The following SORCS2 variants were observed in gnomAD, a reference collection of about 807,000 sequenced individuals.
SORCS2 encodes sortilin related VPS10 domain containing receptor 2.
SORCS2 carries 100 observed loss-of-function variants against 141.6 expected under a neutral mutation model. The ratio of observed to expected loss-of-function variants is 0.71; its 90% CI spans 0.60 to 0.83. The LOEUF (loss-of-function observed/expected upper bound fraction) is 0.83, where lower values mean the gene tolerates loss of function less well. Among genes scored for constraint, SORCS2 ranks in the 40% least tolerant of loss-of-function variants. SORCS2 has a pLI of 0.00. For synonymous variants in SORCS2, 789 were observed against 676.9 expected, an observed-to-expected ratio of 1.17 and a Z score of -2.57; for missense variants, 1,646 against 1,560.2, an observed-to-expected ratio of 1.05 and a Z score of -0.93.
intron 19 of SORCS2, among the ~76,000 whole-genome samples, chr4:7,724,150 G>GGTGGTGGTGTTGGTGGTGGTGATA (rs1726825784): frequency 3.0e-5 from 4 of 135,394 alleles, no homozygotes; most frequent in African/African-American, 1.3e-4. Flanking sequence ...TGATGGTCGT[G>GGTGGTGGTGTTGGTGGTGGTGATA]GTGGTGGTGG....
At chr4:7,297,592 C>A (rs1434504962) in intron 1 of SORCS2, among the ~76,000 whole-genome samples, 1 of 152,214 alleles carries the variant, frequency 6.6e-6, no homozygotes, top group African/African-American at 2.4e-5. Flanking sequence ...CTGTAAGCTC[C>A]CTTCCTGTCC....
chr4:7,231,305 C>T (rs1431560478), intron 1 of SORCS2, among the ~76,000 whole-genome samples: 1 of 152,184 alleles, frequency 6.6e-6, no homozygotes, highest in African/African-American at 2.4e-5. Context: ...ATGAGGCTGG[C>T]CTGCATTGTG....
At position 7,233,674 on chromosome 4, in the gene SORCS2, G is replaced by A. The variant is rs940671716; in HGVS notation, c.480+40548G>A. On this transcript the variant is annotated intron_variant, in intron 1 of 26. Coordinates refer to ENST00000507866, the MANE Select transcript of SORCS2 (RefSeq NM_020777.3). The surrounding 1 kb of genome is among the most constrained non-coding windows in gnomAD (Gnocchi z 4.5). ...CCAGGTAATACTGGCCTGGTCCCCC[G>A]TCTGATGCTGCAGGGTGGACTTCTG... is the stretch of plus-strand genomic sequence containing the variant. Among the ~76,000 whole-genome samples the A allele has an allele frequency of 2.0e-5, 3 of 152,146 alleles. No homozygotes were observed. The highest frequency in any genetic ancestry group is 2.1e-4 in the South Asian group (1 of 4,828).
intron 1 of SORCS2, among the ~76,000 whole-genome samples, chr4:7,365,108 T>C (rs1022285656): frequency 1.3e-5 from 2 of 152,140 alleles, no homozygotes; most frequent in Non-Finnish European, 2.9e-5. Context: ...TTAGCTATGA[T>C]TTGTATTGTT....
At chr4:7,271,367 A>G (rs4689673) in intron 1 of SORCS2, among the ~76,000 whole-genome samples, 62,537 of 151,740 alleles carry the variant, frequency 0.41, 13,221 homozygotes, top group East Asian at 0.5. Flanking sequence ...CTCCCTCCCA[A>G]CTATGTTGGC....
At chr4:7,487,912 GCATAGCCTGATGT>G (rs1375354073) in intron 2 of SORCS2, among the ~76,000 whole-genome samples, 3 of 152,094 alleles carry the variant, frequency 2.0e-5, no homozygotes, top group African/African-American at 7.2e-5. Context: ...TAGACATCAG[GCATAGCCTGATGT>G]CTACAAAGGA....
At chr4:7,709,775 A>C in intron 14 of SORCS2, among the ~76,000 whole-genome samples, 1 of 152,142 alleles carries the variant, frequency 6.6e-6, no homozygotes, top group East Asian at 1.9e-4. Flanking sequence ...CTTTTGGGAC[A>C]CTTTCCTGGC....
At chr4:7,293,861 A>T (rs376613596) in intron 1 of SORCS2, among the ~76,000 whole-genome samples, 2 of 152,288 alleles carry the variant, frequency 1.3e-5, no homozygotes, top group East Asian at 3.9e-4. Flanking sequence ...GCTTTTGGTG[A>T]TAACTTTTCA....
chr4:7,679,701 C>T (rs1723391673), intron 9 of SORCS2, among the ~76,000 whole-genome samples: 1 of 151,076 alleles, frequency 6.6e-6, no homozygotes, highest in South Asian at 2.1e-4. Flanking sequence ...GGACTCTAGC[C>T]TCCAAGAGAA....
At chr4:7,583,714 G>T (rs1277429332) in intron 3 of SORCS2, among the ~76,000 whole-genome samples, 1 of 152,182 alleles carries the variant, frequency 6.6e-6, no homozygotes, top group Non-Finnish European at 1.5e-5. Context: ...TGATTGTGAG[G>T]CTTCCCCAGC....
intron 11 of SORCS2, among the ~76,000 whole-genome samples, chr4:7,693,861 C>G (rs967303049): frequency 6.6e-6 from 1 of 152,234 alleles, no homozygotes; most frequent in Admixed American, 6.5e-5. Context: ...GGGCGAGAAG[C>G]CCTTGGGCCT....
chr4:7,326,192 G>A (rs1003100604), intron 1 of SORCS2, among the ~76,000 whole-genome samples: 1 of 152,220 alleles, frequency 6.6e-6, no homozygotes, highest in Admixed American at 6.5e-5. Flanking sequence ...AGGCTCCAGG[G>A]GAGTTAGGAT....
intron 1 of SORCS2, among the ~76,000 whole-genome samples, chr4:7,305,503 G>A (rs909021610): frequency 1.3e-5 from 2 of 152,084 alleles, no homozygotes; most frequent in African/African-American, 2.4e-5. Context: ...CCTCTCCGTC[G>A]TCTGCTTCTT....
At chr4:7,508,779 T>G (rs1290466251) in intron 2 of SORCS2, among the ~76,000 whole-genome samples, 1 of 152,214 alleles carries the variant, frequency 6.6e-6, no homozygotes, top group Non-Finnish European at 1.5e-5. Flanking sequence ...CACGCATCAG[T>G]GCTCAGAGAA....
intron 1 of SORCS2, among the ~76,000 whole-genome samples, chr4:7,284,789 G>T (rs1039978670): frequency 2.6e-5 from 4 of 152,146 alleles, no homozygotes; most frequent in African/African-American, 9.7e-5. Flanking sequence ...TCACAGTCCA[G>T]GGGGCCAGAA....
chr4:7,483,625 A>C (rs543578865), intron 2 of SORCS2, among the ~76,000 whole-genome samples: 37 of 152,110 alleles, frequency 2.4e-4, no homozygotes, highest in African/African-American at 8.7e-4. Context: ...CCTACTGTAC[A>C]TGGGGTCCCA....
At chr4:7,676,915 C>CCTCT (rs1491069099) in intron 9 of SORCS2, among the ~76,000 whole-genome samples, 9 of 16,834 alleles carry the variant, frequency 5.3e-4, no homozygotes, top group African/African-American at 1.4e-3. Context: ...TCCCTCTCTC[C>CCTCT]CTCTCTCCCT....
intron 1 of SORCS2, among the ~76,000 whole-genome samples, chr4:7,274,263 G>T (rs1469301077): frequency 6.6e-6 from 1 of 152,238 alleles, no homozygotes; most frequent in African/African-American, 2.4e-5. Context: ...CGGGTGCACT[G>T]GTTTGGAATT....
intron 20 of SORCS2, among the ~76,000 whole-genome samples, chr4:7,726,081 T>C (rs1727199698): frequency 6.6e-6 from 1 of 152,164 alleles, no homozygotes; most frequent in Non-Finnish European, 1.5e-5. Flanking sequence ...TGCGGCAACA[T>C]GGCGCCCACC....
Sources: allele counts gnomAD v4.1 joint callset (sites outside exome capture counted in the v4.1 genomes callset), GRCh38; gene constraint gnomAD v4.1.1; non-coding constraint Gnocchi (gnomAD v3.1); transcripts MANE v1.5; gene names NCBI Gene and HGNC (gene_info 2026-07-23, HGNC 2026-07-21).